Variants in FLT1 observed in about 807,000 individuals in gnomAD.
FLT1 encodes the protein vascular endothelial growth factor receptor 1.
A neutral mutation model predicts 156.3 loss-of-function variants in FLT1; 49 were observed. The ratio of observed to expected loss-of-function variants is 0.31; its 90% confidence interval spans 0.25 to 0.40. The LOEUF (loss-of-function observed/expected upper bound fraction) is 0.40. FLT1 is among the 10% of genes least tolerant of loss of function. The pLI is 1.00. For missense variants in FLT1, 1,322 were observed against 1,637.2 expected (o/e 0.81, Z 3.32); for synonymous variants, 594 against 583.8 (o/e 1.02, Z -0.25).
intron 23 of FLT1, 142 bp from the exon 24 acceptor site, chr13:28,319,676 A>G: frequency 1.5e-6 from 1 of 671,762 alleles, no homozygotes; most frequent in Admixed American, 2.1e-5. Flanking sequence ...AACATAGAGA[A>G]CACCATAGTA....
At chr13:28,410,127 C>T (rs553335582) in intron 10 of FLT1, among the ~76,000 whole-genome samples, 2 of 152,276 alleles carry the variant, frequency 1.3e-5, no homozygotes, top group East Asian at 1.9e-4. Context: ...TTTGTGTTCA[C>T]CTGTGCTTTT....
intron 15 of FLT1, among the ~76,000 whole-genome samples, chr13:28,349,745 C>T (rs890872475): frequency 6.6e-6 from 1 of 152,102 alleles, no homozygotes; most frequent in African/African-American, 2.4e-5. Flanking sequence ...CTTACTCAAG[C>T]AAAATTCATT....
intron 17 of FLT1, among the ~76,000 whole-genome samples, chr13:28,335,957 T>C (rs752671244): frequency 2.0e-5 from 3 of 152,346 alleles, no homozygotes; most frequent in Non-Finnish European, 2.9e-5. Context: ...TGGTGCATTT[T>C]GGTTGGAGGT....
At chr13:28,368,646 A>G in intron 14 of FLT1, 1 of 1,083,292 alleles carries the variant, frequency 9.2e-7, no homozygotes, top group Non-Finnish European at 1.4e-6. Flanking sequence ...GACGATGGTG[A>G]CGTTGATGTA....
intron 24 of FLT1, among the ~76,000 whole-genome samples, chr13:28,318,709 T>C (rs1401032386): frequency 1.3e-5 from 2 of 152,164 alleles, no homozygotes; most frequent in East Asian, 3.9e-4. Context: ...TGACTTTTAT[T>C]TGCTGTGAAA....
chr13:28,406,934 C>T (rs1441177406), intron 10 of FLT1, among the ~76,000 whole-genome samples: 3 of 152,118 alleles, frequency 2.0e-5, no homozygotes, highest in Admixed American at 1.3e-4. Context: ...GTCAGAAAAA[C>T]GTTCCGTTAC....
intron 13 of FLT1, chr13:28,388,474 T>C (rs1478569188): frequency 9.6e-7 from 1 of 1,040,516 alleles, no homozygotes; most frequent in Non-Finnish European, 1.2e-6. Flanking sequence ...TTAAATAGTT[T>C]ATGCAAGTCA....
intron 14 of FLT1, among the ~76,000 whole-genome samples, chr13:28,360,757 A>G (rs919192643): frequency 7.2e-5 from 11 of 152,144 alleles, no homozygotes; most frequent in Admixed American, 7.2e-4. Flanking sequence ...TAAGAGGAAT[A>G]TGTTCTGGCA....
At chr13:28,476,069 C>T (rs768561671) in intron 1 of FLT1, among the ~76,000 whole-genome samples, 11 of 152,062 alleles carry the variant, frequency 7.2e-5, no homozygotes, top group Non-Finnish European at 1.2e-4. Flanking sequence ...AACAATTGGC[C>T]TTAAATCAAG....
At chr13:28,407,519 A>G (rs1209548981) in intron 10 of FLT1, among the ~76,000 whole-genome samples, 1 of 152,124 alleles carries the variant, frequency 6.6e-6, no homozygotes, top group Non-Finnish European at 1.5e-5. Context: ...AAATGAGCAA[A>G]TTTTTCCAAT....
At chr13:28,421,969 T>C (rs1877030927) in intron 10 of FLT1, among the ~76,000 whole-genome samples, 2 of 152,220 alleles carry the variant, frequency 1.3e-5, no homozygotes, top group South Asian at 2.1e-4. Context: ...CAATTCTCTA[T>C]CCTTGGGAGG....
chr13:28,421,630 G>A (rs983238470), intron 10 of FLT1, among the ~76,000 whole-genome samples: 1 of 151,956 alleles, frequency 6.6e-6, no homozygotes, highest in Non-Finnish European at 1.5e-5. Context: ...TTTTCTGACA[G>A]CCATTCTACT....
chr13:28,344,271 G>A (rs113091242), intron 16 of FLT1, among the ~76,000 whole-genome samples: 298 of 151,998 alleles, frequency 2.0e-3, no homozygotes, highest in African/African-American at 6.8e-3. Flanking sequence ...TCTCCACGCT[G>A]TAGCCCTGGC....
intron 12 of FLT1, among the ~76,000 whole-genome samples, chr13:28,390,316 T>G (rs1874631280): frequency 6.6e-6 from 1 of 152,180 alleles, no homozygotes; most frequent in Non-Finnish European, 1.5e-5. Context: ...AACAGAATAG[T>G]TATTAGGATG....
At chr13:28,463,275 T>C (rs188963994) in intron 3 of FLT1, among the ~76,000 whole-genome samples, 5 of 152,334 alleles carry the variant, frequency 3.3e-5, no homozygotes, top group Admixed American at 2.6e-4. Flanking sequence ...AGTGCTGATA[T>C]TGATTTTTCT....
At chr13:28,387,715 T>TC (rs1169495944) in intron 13 of FLT1, 31 of 1,034,250 alleles carry the variant, frequency 3.0e-5, no homozygotes, top group Admixed American at 6.1e-5. Flanking sequence ...TTTTTTTTTC[T>TC]CCCCCCTCCG....
intron 1 of FLT1, among the ~76,000 whole-genome samples, chr13:28,486,565 C>T (rs894545608): frequency 2.0e-5 from 3 of 152,190 alleles, no homozygotes. Context: ...ACTGAGCACT[C>T]CACAGCATAA....
intron 27 of FLT1, among the ~76,000 whole-genome samples, chr13:28,309,216 G>A (rs1160766075): frequency 6.6e-6 from 1 of 152,196 alleles, no homozygotes; most frequent in East Asian, 1.9e-4. Context: ...GAGACTGGAG[G>A]CATCATCTCG....
intron 28 of FLT1, 145 bp downstream of exon 28, chr13:28,308,698 G>A: frequency 1.4e-6 from 1 of 703,662 alleles, no homozygotes; most frequent in East Asian, 2.7e-5. Flanking sequence ...CTAGTTGTCA[G>A]TCCTCCCCAC....
Sources: gnomAD v4.1 joint callset for allele counts (sites outside exome capture counted in the v4.1 genomes callset) on GRCh38, gnomAD v4.1.1 for gene constraint, MANE v1.5 for transcripts, NCBI Gene and HGNC (gene_info 2026-07-23, HGNC 2026-07-21) for gene names.